GOLM1: variants seen among roughly 807,000 people sequenced by gnomAD.
The protein encoded by GOLM1 is golgi membrane protein 1, also known as epididymis luminal protein 46.
GOLM1 carries 31 observed loss-of-function variants against 50.5 expected under a neutral mutation model. The observed-to-expected ratio is 0.61, with a 90% CI of 0.46 to 0.83. GOLM1 has a LOEUF of 0.83. Ranked by LOEUF, GOLM1 falls within the 40% of genes least tolerant of loss-of-function variation. GOLM1 has a pLI of 0.00. For synonymous variants in GOLM1, 178 were observed against 192.8 expected (o/e 0.92, Z 0.64); for missense variants, 491 against 501.3 (o/e 0.98, Z 0.20).
chr9:86,057,720 G>A (rs942456309), intron 3 of GOLM1, among the ~76,000 whole-genome samples: 2 of 152,206 alleles, frequency 1.3e-5, no homozygotes, highest in Non-Finnish European at 2.9e-5. Flanking sequence ...AGGGCAAGAA[G>A]GTGCTGGGGC....
intron 1 of GOLM1, among the ~76,000 whole-genome samples, chr9:86,082,909 C>A (rs1221708970): frequency 6.6e-6 from 1 of 152,240 alleles, no homozygotes; most frequent in Non-Finnish European, 1.5e-5. Flanking sequence ...ACCATTCACA[C>A]TCTTCTGTAA....
intron 5 of GOLM1, among the ~76,000 whole-genome samples, chr9:86,044,395 A>T (rs888204734): frequency 2.6e-5 from 4 of 152,208 alleles, no homozygotes; most frequent in Admixed American, 2.0e-4. Flanking sequence ...CGGCAGGTGG[A>T]CAATGTTTTG....
intron 3 of GOLM1, among the ~76,000 whole-genome samples, chr9:86,053,447 T>TATG (rs1833846438): frequency 8.1e-5 from 1 of 12,364 alleles, no homozygotes; most frequent in Non-Finnish European, 2.5e-4. Flanking sequence ...CACCATTCCA[T>TATG]ACCAAACCAC....
chr9:86,052,948 C>T (rs1049151564), intron 3 of GOLM1, among the ~76,000 whole-genome samples: 13 of 75,514 alleles, frequency 1.7e-4, no homozygotes, highest in African/African-American at 5.9e-4. Context: ...AACCTCACAC[C>T]GCACCACACC....
chr9:86,048,105 T>G (rs911654541), intron 4 of GOLM1, among the ~76,000 whole-genome samples: 1 of 145,816 alleles, frequency 6.9e-6, no homozygotes, highest in Non-Finnish European at 1.5e-5. Flanking sequence ...TTTCCACCTA[T>G]GACTGAGAAC....
intron 3 of GOLM1, among the ~76,000 whole-genome samples, chr9:86,069,309 G>A (rs924060561): frequency 5.9e-5 from 9 of 152,008 alleles, no homozygotes; most frequent in African/African-American, 1.2e-4. Flanking sequence ...TGCAAAAGGC[G>A]GCTTAATATC....
At chr9:86,058,541 CA>C (rs1397726569) in intron 3 of GOLM1, among the ~76,000 whole-genome samples, 2 of 151,262 alleles carry the variant, frequency 1.3e-5, no homozygotes, top group Non-Finnish European at 2.9e-5. Context: ...ACTAAAAATA[CA>C]AAAATTAGCC....
intron 8 of GOLM1, among the ~76,000 whole-genome samples, chr9:86,034,827 T>C (rs565157931): frequency 6.6e-6 from 1 of 152,322 alleles, no homozygotes; most frequent in East Asian, 1.9e-4. Flanking sequence ...AAATACATCC[T>C]GGAATAGTCG....
chr9:86,096,935 G>T (rs923464018), intron 1 of GOLM1, among the ~76,000 whole-genome samples: 1 of 152,062 alleles, frequency 6.6e-6, no homozygotes, highest in African/African-American at 2.4e-5. Context: ...ATATTATATA[G>T]TATTTATATA....
At chr9:86,044,223 C>G (rs11141189) in intron 5 of GOLM1, among the ~76,000 whole-genome samples, 59,882 of 152,134 alleles carry the variant, frequency 0.39, 14,650 homozygotes, top group Non-Finnish European at 0.55. Context: ...ACAAGACTGC[C>G]CCCACGTGAG....
chr9:86,093,719 C>G (rs1563970708), intron 1 of GOLM1, among the ~76,000 whole-genome samples: 1 of 152,098 alleles, frequency 6.6e-6, no homozygotes, highest in African/African-American at 2.4e-5. Context: ...CTTCTAATTA[C>G]TTTTTTTAAA....
intron 6 of GOLM1, among the ~76,000 whole-genome samples, chr9:86,040,244 A>G (rs1833294182): frequency 6.6e-6 from 1 of 152,174 alleles, no homozygotes; most frequent in South Asian, 2.1e-4. Flanking sequence ...GGGAATGCAA[A>G]TTATATCTTA....
upstream of GOLM1, chr9:86,099,962 G>A (rs977894855): frequency 6.6e-6 from 1 of 152,260 alleles, no homozygotes; most frequent in Non-Finnish European, 1.5e-5. Flanking sequence ...AAAAGTCGTC[G>A]GGTCAAAACT....
In GOLM1 at chr9:86,082,025, C is replaced by CTTTTT. The variant is rs35208119; in HGVS notation, c.-21-2689_-21-2685dup. On this transcript the variant is annotated intron_variant, in intron 1 of 9. Transcript: ENST00000388712. ...AGGGGCATCAGCATCACCTGGGACACTTTTTTTTTTTTTTTTTTTTTGAGA... is the reference window on the plus strand; with the variant it reads ...AGGGGCATCAGCATCACCTGGGACACTTTTTTTTTTTTTTTTTTTTTTTTTTGAGA... Among the ~76,000 whole-genome samples the CTTTTT allele has an allele frequency of 5.3e-3, 444 of 84,502 alleles. 22 individuals carry two copies. The highest frequency in any genetic ancestry group is 0.014 in the Middle Eastern group (1 of 70). The allele number at this position is 84,502 out of a possible 152,430, so 55.4% of individuals were successfully genotyped here.
At chr9:86,032,013 C>T (rs1047815680) in intron 9 of GOLM1, among the ~76,000 whole-genome samples, 7 of 151,720 alleles carry the variant, frequency 4.6e-5, no homozygotes, top group East Asian at 1.9e-4. Flanking sequence ...CTCACCTTAC[C>T]GAGGGCTTGA....
chr9:86,044,635 A>G (rs1388015567), intron 5 of GOLM1, among the ~76,000 whole-genome samples: 1 of 152,202 alleles, frequency 6.6e-6, no homozygotes, highest in African/African-American at 2.4e-5. Flanking sequence ...AAGTAATGTA[A>G]TTTTTTAAAT....
intron 3 of GOLM1, among the ~76,000 whole-genome samples, chr9:86,072,755 T>A (rs1163561928): frequency 6.6e-6 from 1 of 152,242 alleles, no homozygotes; most frequent in Non-Finnish European, 1.5e-5. Flanking sequence ...GATTTTGTCT[T>A]TGTGTAACCA....
At chr9:86,062,491 G>GGGAGGAAGAGGAGGAGGGAGAAT (rs2118790805) in intron 3 of GOLM1, among the ~76,000 whole-genome samples, 1 of 151,508 alleles carries the variant, frequency 6.6e-6, no homozygotes, top group Admixed American at 6.6e-5. Flanking sequence ...CGGGGGAGGA[G>GGGAGGAAGAGGAGGAGGGAGAAT]GGAGGAAGAG....
chr9:86,069,137 A>ATTT (rs142064430), intron 3 of GOLM1, among the ~76,000 whole-genome samples: 1 of 149,150 alleles, frequency 6.7e-6, no homozygotes, highest in Non-Finnish European at 1.5e-5. Flanking sequence ...TGTAATCTCT[A>ATTT]TTTTTTTTTT....
Sources: gnomAD v4.1 joint callset for allele counts (sites outside exome capture counted in the v4.1 genomes callset) on GRCh38, gnomAD v4.1.1 for gene constraint, MANE v1.5 for transcripts, NCBI Gene and HGNC (gene_info 2026-07-23, HGNC 2026-07-21) for gene names.